SYT1: variants seen among roughly 807,000 people sequenced by gnomAD.
SYT1 encodes the protein synaptotagmin 1, also known as synaptotagmin-1.
Under a neutral mutation model 44.8 loss-of-function variants are expected in SYT1, and 8 were observed. The observed-to-expected ratio is 0.18, with a 90% CI of 0.10 to 0.32. The LOEUF (loss-of-function observed/expected upper bound fraction) is 0.32. Ranked by LOEUF, SYT1 falls within the 10% of genes least tolerant of loss-of-function variation. SYT1 has a pLI of 1.00. For synonymous variants in SYT1, 154 were observed against 188.8 expected (o/e 0.82, Z 1.51); for missense variants, 286 against 509.3 (o/e 0.56, Z 4.22).
chr12:79,205,564 C>T lies in SYT1; in HGVS notation c.-17-11939C>T, dbSNP rs540975595. On this transcript the variant is annotated intron_variant, in intron 3 of 10. Transcript: ENST00000261205. ...CGTTTTTAGTTACAATTCTGATGTA[C>T]CATATTTTTAAGATTCACATCCCTA... Among the ~76,000 whole-genome samples the T allele has an allele frequency of 1.1e-4, 17 of 152,202 alleles. No individual in the cohort carries two copies. The East Asian group carries it at 3.1e-3, about 28-fold the overall frequency.
intron 3 of SYT1, among the ~76,000 whole-genome samples, chr12:79,178,849 C>T (rs1872070953): frequency 6.7e-6 from 1 of 149,056 alleles, no homozygotes; most frequent in Non-Finnish European, 1.5e-5. Context: ...GTGATCTCGG[C>T]TCACTGCAAT....
intron 3 of SYT1, among the ~76,000 whole-genome samples, chr12:79,061,100 A>G (rs1303787086): frequency 6.6e-6 from 1 of 152,120 alleles, no homozygotes; most frequent in Non-Finnish European, 1.5e-5. Context: ...CATTGATTCT[A>G]AATAAGAATG....
intron 2 of SYT1, among the ~76,000 whole-genome samples, chr12:79,037,517 C>T (rs930738290): frequency 1.3e-5 from 2 of 151,708 alleles, no homozygotes; most frequent in Non-Finnish European, 2.9e-5. Context: ...CCCCCTTTCC[C>T]TTTTTAAAAT....
intron 3 of SYT1, among the ~76,000 whole-genome samples, chr12:79,074,104 G>C (rs534518278): frequency 3.7e-4 from 57 of 152,270 alleles, no homozygotes; most frequent in African/African-American, 1.3e-3. Flanking sequence ...AGACTCTGGA[G>C]TGTTTTTATT....
chr12:78,981,464 A>G (rs1869257819), intron 2 of SYT1, among the ~76,000 whole-genome samples: 2 of 152,170 alleles, frequency 1.3e-5, no homozygotes, highest in Admixed American at 1.3e-4. Context: ...ATGTTGTTAC[A>G]TATCCATTTA....
rs900472245 is a variant in SYT1, at chr12:79,382,430, C to G, written c.928+28811C>G. Among the ~76,000 whole-genome samples the G allele has an allele frequency of 3.3e-5, 5 of 152,214 alleles. 1 individual carries two copies. The highest frequency in any genetic ancestry group is 6.8e-3 in the Middle Eastern group (2 of 294). Reference sequence around the variant, plus strand: ...ATTCAAAAATACACAAACACATGCACTCTTCTCCCTTCTCCCGTAACCTAA... The same window carrying G: ...ATTCAAAAATACACAAACACATGCAGTCTTCTCCCTTCTCCCGTAACCTAA... On this transcript the variant is annotated intron_variant, in intron 9 of 10. Transcript: ENST00000261205.
intron 3 of SYT1, among the ~76,000 whole-genome samples, chr12:79,172,969 C>CAAAAAAAAAAAAAAAAAA (rs200575966): frequency 6.4e-5 from 1 of 15,720 alleles, no homozygotes; most frequent in Non-Finnish European, 1.0e-4. Flanking sequence ...TTCCTGCTCT[C>CAAAAAAAAAAAAAAAAAA]AAAAAAAAAA....
chr12:79,349,033 A>AAGAAAGAGAAAG (rs1367804411), intron 8 of SYT1, among the ~76,000 whole-genome samples: 2 of 120,282 alleles, frequency 1.7e-5, no homozygotes, highest in African/African-American at 6.5e-5. Flanking sequence ...GAAAGAAAGA[A>AAGAAAGAGAAAG]AAAGAAAGAA....
At chr12:79,340,900 C>T (rs1264727690) in intron 8 of SYT1, among the ~76,000 whole-genome samples, 3 of 152,194 alleles carry the variant, frequency 2.0e-5, no homozygotes, top group African/African-American at 7.2e-5. Context: ...ACTAAAAAGT[C>T]ACAGTAGTAA....
intron 1 of SYT1, among the ~76,000 whole-genome samples, chr12:78,953,606 G>A (rs932788314): frequency 6.6e-6 from 1 of 152,090 alleles, no homozygotes; most frequent in African/African-American, 2.4e-5. Flanking sequence ...ATGTCTGAAA[G>A]AGTCAGGCAT....
chr12:78,910,779 G>A (rs551254331), intron 1 of SYT1, among the ~76,000 whole-genome samples: 7 of 152,006 alleles, frequency 4.6e-5, no homozygotes, highest in East Asian at 3.9e-4. Context: ...TGACCTTATC[G>A]AAGAATCTAG....
intron 1 of SYT1, among the ~76,000 whole-genome samples, chr12:78,873,465 T>C (rs1322873732): frequency 1.3e-5 from 2 of 151,748 alleles, no homozygotes; most frequent in Non-Finnish European, 3.0e-5. Flanking sequence ...TTTTGTAATC[T>C]ACAAGAAAAG....
intron 2 of SYT1, among the ~76,000 whole-genome samples, chr12:79,017,584 G>A (rs551812269): frequency 6.6e-6 from 1 of 152,218 alleles, no homozygotes; most frequent in South Asian, 2.1e-4. Flanking sequence ...AAATCTAAAA[G>A]GGCATGACAC....
At chr12:79,069,886 A>G (rs565770641) in intron 3 of SYT1, among the ~76,000 whole-genome samples, 166 of 152,242 alleles carry the variant, frequency 1.1e-3, no homozygotes, top group African/African-American at 3.8e-3. Flanking sequence ...GGAAAAATTG[A>G]ATAGAATAGA....
At position 79,261,384 on chromosome 12, in the gene SYT1, A is replaced by T. The variant is rs536287553; in HGVS notation, c.167-24403A>T. Among the ~76,000 whole-genome samples, 11 of 152,272 alleles carry T rather than the reference A, an allele frequency of 7.2e-5. No individual in the cohort carries two copies. The East Asian group carries it at 1.9e-3, about 27-fold the overall frequency. ...CACACTATGTTTATATTCTCTCAGAATTCTAGTGGATCCCATTGTCTAAGA... is the reference window on the plus strand; with the variant it reads ...CACACTATGTTTATATTCTCTCAGATTTCTAGTGGATCCCATTGTCTAAGA... On this transcript the variant is annotated intron_variant, in intron 4 of 10. Coordinates refer to ENST00000261205, the MANE Select transcript of SYT1 (RefSeq NM_005639.3).
intron 2 of SYT1, among the ~76,000 whole-genome samples, chr12:78,999,398 T>C (rs2137522517): frequency 6.6e-6 from 1 of 152,324 alleles, no homozygotes; most frequent in Non-Finnish European, 1.5e-5. Context: ...TTTTCTATTT[T>C]TTGTCTAAAA....
intron 1 of SYT1, among the ~76,000 whole-genome samples, chr12:78,865,567 G>A (rs1050450810): frequency 4.0e-4 from 8 of 19,760 alleles, no homozygotes; most frequent in African/African-American, 1.4e-3. Context: ...AGGGATATGG[G>A]GGGGGGGGGG....
chr12:79,025,164 T>C (rs1055376649), intron 2 of SYT1, among the ~76,000 whole-genome samples: 15 of 151,842 alleles, frequency 9.9e-5, no homozygotes, highest in Non-Finnish European at 2.1e-4. Context: ...TGTCTACAAG[T>C]ATTTTGACGT....
In SYT1 at chr12:79,159,686, C is replaced by T. The variant is rs954014958; in HGVS notation, c.-17-57817C>T. Among the ~76,000 whole-genome samples the T allele has an allele frequency of 3.3e-5, 5 of 152,206 alleles. No individual in the cohort carries two copies. The South Asian group carries it at 8.3e-4, about 25-fold the overall frequency. On this transcript the variant is annotated intron_variant, in intron 3 of 10. Coordinates refer to ENST00000261205, the MANE Select transcript of SYT1 (RefSeq NM_005639.3). ...CAGGCCTCCACTGGGGAAATTGGAACGTAACCCCCATGGAGAAAGGGAGAT... is the reference window on the plus strand; with the variant it reads ...CAGGCCTCCACTGGGGAAATTGGAATGTAACCCCCATGGAGAAAGGGAGAT...
Sources: allele counts gnomAD v4.1 joint callset (sites outside exome capture counted in the v4.1 genomes callset), GRCh38; gene constraint gnomAD v4.1.1; transcripts MANE v1.5; gene names NCBI Gene and HGNC (gene_info 2026-07-23, HGNC 2026-07-21).